GLIPR2: variants seen among roughly 807,000 people sequenced by gnomAD.
The protein encoded by GLIPR2 is GLI pathogenesis related 2.
A neutral mutation model predicts 20.4 loss-of-function variants in GLIPR2; 21 were observed. The observed-to-expected ratio is 1.03, with a 90% confidence interval of 0.73 to 1.48. The LOEUF is 1.48. Among genes scored for constraint, GLIPR2 ranks in the 40% most tolerant of loss-of-function variants. GLIPR2 has a pLI of 0.00. For missense variants in GLIPR2, 205 were observed against 200.1 expected (o/e 1.02, Z -0.15); for synonymous variants, 91 against 80.5 (o/e 1.13, Z -0.70).
chr9:36,153,217 T>C (rs1276130852), intron 4 of GLIPR2, among the ~76,000 whole-genome samples: 1 of 152,070 alleles, frequency 6.6e-6, no homozygotes, highest in Non-Finnish European at 1.5e-5. Context: ...GCCTTTCTCA[T>C]GCCTTCCGTC....
chr9:36,150,957 G>T lies in GLIPR2; in HGVS notation c.304+8G>T. On this transcript the variant is annotated splice_region_variant and intron_variant, in intron 4 of 4. Coordinates refer to ENST00000377960, the MANE Select transcript of GLIPR2 (RefSeq NM_022343.4). ...GCTTCACCTCGGGGACTGGTGAGTG[G>T]CAGGGTCTCACCAGTGGCCTGGCCC... The T allele has an allele frequency of 6.2e-7, 1 of 1,602,254 alleles. No homozygotes were observed. The highest frequency in any genetic ancestry group is 1.3e-5 in the African/African-American group (1 of 74,782).
At chr9:36,157,348 TTA>T (rs1434440814) in intron 4 of GLIPR2, among the ~76,000 whole-genome samples, 1 of 151,080 alleles carries the variant, frequency 6.6e-6, no homozygotes, top group East Asian at 1.9e-4. Context: ...TTTTATTTTT[TTA>T]TTTTTTATTT....
At chr9:36,145,206 T>C (rs1345491922) in intron 1 of GLIPR2, among the ~76,000 whole-genome samples, 5 of 152,310 alleles carry the variant, frequency 3.3e-5, no homozygotes, top group Admixed American at 2.6e-4. Context: ...CTCACCCCCA[T>C]TTCCAGAGAA....
intron 1 of GLIPR2, among the ~76,000 whole-genome samples, chr9:36,137,154 C>T (rs956312101): frequency 4.6e-5 from 7 of 152,174 alleles, no homozygotes; most frequent in African/African-American, 1.7e-4. Flanking sequence ...TTGCCCCGCT[C>T]GGCTGTCCCG....
At chr9:36,158,720 T>C (rs1041071646) in intron 4 of GLIPR2, among the ~76,000 whole-genome samples, 35 of 152,304 alleles carry the variant, frequency 2.3e-4, no homozygotes, top group African/African-American at 7.9e-4. Flanking sequence ...TCTCTGTAAA[T>C]GCTAAACCAT....
At chr9:36,155,932 G>A (rs1825809136) in intron 4 of GLIPR2, among the ~76,000 whole-genome samples, 1 of 152,090 alleles carries the variant, frequency 6.6e-6, no homozygotes, top group African/African-American at 2.4e-5. Context: ...AAACTAGGCT[G>A]GGCACGGCAG....
At chr9:36,148,034 G>A (rs1587138856) in intron 2 of GLIPR2, 140 bp downstream of exon 2, 8 of 678,970 alleles carry the variant, frequency 1.2e-5, no homozygotes, top group Non-Finnish European at 2.2e-5. Flanking sequence ...GATCACCTGA[G>A]GTCAGGAGTT....
intron 4 of GLIPR2, among the ~76,000 whole-genome samples, chr9:36,159,366 C>T (rs1179745418): frequency 6.6e-6 from 1 of 152,214 alleles, no homozygotes; most frequent in Non-Finnish European, 1.5e-5. Context: ...TAGAATGCTG[C>T]ACTTCTAGTG....
Position 36,162,371 on chromosome 9 carries a change from C to T in GLIPR2, c.314C>T (p.Thr105Met), listed in dbSNP as rs762928454. 8 of 1,612,590 alleles carry T rather than the reference C, an allele frequency of 5.0e-6. No individual in the cohort carries two copies. The highest frequency in any genetic ancestry group is 5.9e-6 in the Non-Finnish European group (7 of 1,179,152). Residue 105 changes from threonine to methionine, a missense_variant, in exon 5 of 5, where the codon ACG (threonine) becomes ATG (methionine). Physicochemically the swap from Thr to Met is moderately conservative, Grantham distance 81. Transcript: ENST00000377960. ...GCCCGTTCCCCTACAGGACACTTCA[C>T]GGCCATGGTATGGAAGAACACCAAG... ...PGFTSGTGHF[T>M]AMVWKNTKKM...
intron 4 of GLIPR2, among the ~76,000 whole-genome samples, chr9:36,161,572 G>A (rs1285114812): frequency 3.3e-5 from 5 of 151,958 alleles, no homozygotes; most frequent in East Asian, 3.9e-4. Context: ...AAGTGAGGGC[G>A]AGGAGGCGGA....
intron 3 of GLIPR2, among the ~76,000 whole-genome samples, chr9:36,150,457 G>C (rs1425229979): frequency 1.3e-5 from 2 of 152,220 alleles, no homozygotes; most frequent in Non-Finnish European, 2.9e-5. Flanking sequence ...TTCAAGAGCT[G>C]CAAATGGGGT....
At chr9:36,150,218 T>C (rs1355424066) in intron 3 of GLIPR2, among the ~76,000 whole-genome samples, 1 of 152,200 alleles carries the variant, frequency 6.6e-6, no homozygotes, top group Non-Finnish European at 1.5e-5. Flanking sequence ...GGTCCCTCTG[T>C]AGACCTACTG....
rs67296666 is a variant in GLIPR2, at chr9:36,152,952, C to CAAAAAA, written c.304+2027_304+2032dup. ...TGAAATCCTGTCTCTACTGAAAGTGCAAAAAAAAAAAAAAAAAAAAAAAAA... is the reference window on the plus strand; with the variant it reads ...TGAAATCCTGTCTCTACTGAAAGTGCAAAAAAAAAAAAAAAAAAAAAAAAAAAAAAA... On this transcript the variant is annotated intron_variant, in intron 4 of 4. Coordinates refer to ENST00000377960, the MANE Select transcript of GLIPR2 (RefSeq NM_022343.4). Among the ~76,000 whole-genome samples, 9 of 14,032 alleles carry CAAAAAA rather than the reference C, an allele frequency of 6.4e-4. 2 individuals carry two copies. Among genetic ancestry groups the CAAAAAA allele is most frequent in the Non-Finnish European group, 8.4e-4 (7 of 8,352 alleles). The allele number at this position is 14,032 out of a possible 152,430, so 9.2% of individuals were successfully genotyped here.
In GLIPR2 at chr9:36,148,472, A is replaced by G. The variant is rs545572431; in HGVS notation, c.123-75A>G. 1.3e-5 allele frequency: 14 copies of G among 1,066,990 alleles called. No individual in the cohort carries two copies. The South Asian group carries it at 1.8e-4, about 14-fold the overall frequency. The allele number at this position is 1,066,990 out of a possible 1,614,324, so 66.1% of individuals were successfully genotyped here. A position where few individuals can be genotyped will look rare whatever the true frequency, so the allele number is the denominator to read the frequency against. On this transcript the variant is annotated intron_variant, in intron 2 of 4. Coordinates refer to ENST00000377960, the MANE Select transcript of GLIPR2 (RefSeq NM_022343.4). ...CCGGGGCAGGGAAGGAAGCTCAGCCACACTAGCTTGGGGCACATACTTTGG... is the reference window on the plus strand; with the variant it reads ...CCGGGGCAGGGAAGGAAGCTCAGCCGCACTAGCTTGGGGCACATACTTTGG...
chr9:36,150,949 G>A lies in GLIPR2; in HGVS notation c.304G>A (p.Gly102Arg). Residue 102 changes from glycine to arginine, a missense_variant and splice_region_variant, in exon 4 of 5, where the codon GGA (glycine) becomes AGA (arginine). Coordinates refer to ENST00000377960, the MANE Select transcript of GLIPR2 (RefSeq NM_022343.4). ...GCAGCCTGGCTTCACCTCGGGGACTGGTGAGTGGCAGGGTCTCACCAGTGG... is the reference window on the plus strand; with the variant it reads ...GCAGCCTGGCTTCACCTCGGGGACTAGTGAGTGGCAGGGTCTCACCAGTGG... ...FQQPGFTSGT[G>R]HFTAMVWKNT... The A allele has an allele frequency of 6.2e-7, 1 of 1,612,062 alleles. No homozygotes were observed. The highest frequency in any genetic ancestry group is 1.1e-5 in the South Asian group (1 of 91,014).
At chr9:36,152,408 T>C (rs1825624883) in intron 4 of GLIPR2, among the ~76,000 whole-genome samples, 1 of 152,192 alleles carries the variant, frequency 6.6e-6, no homozygotes, top group South Asian at 2.1e-4. Context: ...GAGCAAGTTA[T>C]TAACTAGCAC....
intron 4 of GLIPR2, among the ~76,000 whole-genome samples, chr9:36,156,385 TAAAA>T (rs58467311): frequency 9.8e-4 from 76 of 77,744 alleles, no homozygotes; most frequent in African/African-American, 3.3e-3. Flanking sequence ...AAGCCATGTC[TAAAA>T]AAAAAAAAAA....
chr9:36,159,325 A>G (rs1446331398), intron 4 of GLIPR2, among the ~76,000 whole-genome samples: 1 of 152,252 alleles, frequency 6.6e-6, no homozygotes, highest in East Asian at 1.9e-4. Flanking sequence ...ACGAGGCTGT[A>G]ATGTGTCGAA....
At chr9:36,144,824 T>C (rs1466909739) in intron 1 of GLIPR2, 1 of 152,216 alleles carries the variant, frequency 6.6e-6, no homozygotes, top group African/African-American at 2.4e-5. Flanking sequence ...ACCTTCACCT[T>C]CTGGGTCTGT....
Sources: allele counts gnomAD v4.1 joint callset (sites outside exome capture counted in the v4.1 genomes callset), GRCh38; gene constraint gnomAD v4.1.1; transcripts MANE v1.5; gene names NCBI Gene and HGNC (gene_info 2026-07-23, HGNC 2026-07-21).